The following TMEM266 variants were observed in gnomAD, a reference collection of about 807,000 sequenced individuals.
The protein encoded by TMEM266 is Hv1 related protein 1.
Under a neutral mutation model 50.5 loss-of-function variants are expected in TMEM266, and 33 were observed. The observed-to-expected ratio is 0.65, with a 90% CI of 0.50 to 0.87. The LOEUF (loss-of-function observed/expected upper bound fraction) is 0.87, where lower values mean the gene tolerates loss of function less well. TMEM266 is among the 40% of genes least tolerant of loss of function. TMEM266 has a pLI of 0.00. For missense variants in TMEM266, 655 were observed against 695.1 expected (o/e 0.94, Z 0.65); for synonymous variants, 310 against 292.3 (o/e 1.06, Z -0.62).
At chr15:76,190,551 T>G (rs1003778146) in intron 8 of TMEM266, among the ~76,000 whole-genome samples, 11 of 133,206 alleles carry the variant, frequency 8.3e-5, no homozygotes, top group East Asian at 2.1e-4. Flanking sequence ...GCAGTGGAGG[T>G]GGAGGGAGGC....
chr15:76,142,960 C>T (rs2955728), intron 3 of TMEM266, among the ~76,000 whole-genome samples: 34,667 of 152,104 alleles, frequency 0.23, 5,694 homozygotes, highest in African/African-American at 0.46. Context: ...CCTGGTTAGT[C>T]CCAAGGTGGC....
At chr15:76,171,948 G>A (rs1436833481) in intron 7 of TMEM266, among the ~76,000 whole-genome samples, 1 of 152,160 alleles carries the variant, frequency 6.6e-6, no homozygotes, top group Non-Finnish European at 1.5e-5. Flanking sequence ...AGAGGATGAC[G>A]ACAGAGGCAG....
chr15:76,179,952 T>TAAAACAAAACAAAAC (rs60596277), intron 8 of TMEM266, among the ~76,000 whole-genome samples: 21 of 152,190 alleles, frequency 1.4e-4, no homozygotes, highest in African/African-American at 4.8e-4. Flanking sequence ...AGACTGTCTC[T>TAAAACAAAACAAAAC]AAAACAAAAC....
At chr15:76,191,532 C>G (rs2038568777) in intron 8 of TMEM266, 1 of 154,240 alleles carries the variant, frequency 6.5e-6, no homozygotes, top group Non-Finnish European at 1.4e-5. Context: ...GTCCCCCAGG[C>G]TGGGACGGGG....
intron 1 of TMEM266, among the ~76,000 whole-genome samples, chr15:76,107,990 T>C (rs945304235): frequency 6.6e-6 from 1 of 152,214 alleles, no homozygotes; most frequent in East Asian, 1.9e-4. Flanking sequence ...CCATACATCG[T>C]CCTTTTTCAT....
In TMEM266 at chr15:76,203,964, CGAGGAGCCGT is replaced by C. The variant is rs776448539; in HGVS notation, c.1246_1255del (p.Glu416ProfsTer64). On this transcript the variant is annotated frameshift_variant, in exon 11 of 11. Coordinates refer to ENST00000388942, the MANE Select transcript of TMEM266 (RefSeq NM_152335.3). LOFTEE classifies it high-confidence loss of function. Reference sequence around the variant, plus strand: ...CCTCCATGGACTGCAGCACTGCCCGCGAGGAGCCGTCCTCTGAGCCCGGCCCTTCTCCCCC... The same window carrying C: ...CCTCCATGGACTGCAGCACTGCCCGCCCTCTGAGCCCGGCCCTTCTCCCCC... 1 of 1,612,008 alleles carries C rather than the reference CGAGGAGCCGT, an allele frequency of 6.2e-7. No individual in the cohort carries two copies. The highest frequency in any genetic ancestry group is 1.1e-5 in the South Asian group (1 of 91,022).
chr15:76,177,759 C>T (rs536962029), intron 8 of TMEM266, among the ~76,000 whole-genome samples: 10 of 152,378 alleles, frequency 6.6e-5, no homozygotes, highest in South Asian at 2.1e-4. Flanking sequence ...CAGCACCGTC[C>T]AGAGCTGCTC....
At chr15:76,092,568 T>C (rs554492565) in intron 1 of TMEM266, among the ~76,000 whole-genome samples, 34 of 151,922 alleles carry the variant, frequency 2.2e-4, no homozygotes, top group African/African-American at 7.9e-4. Flanking sequence ...TAGGTGCCTG[T>C]AATCCCAGCT....
chr15:76,167,033 G>T (rs1025752467), intron 5 of TMEM266, among the ~76,000 whole-genome samples: 1 of 152,162 alleles, frequency 6.6e-6, no homozygotes, highest in Non-Finnish European at 1.5e-5. Context: ...GCACCAGGCC[G>T]TATTCCCATC....
intron 9 of TMEM266, among the ~76,000 whole-genome samples, chr15:76,192,894 C>A (rs934494553): frequency 8.5e-5 from 13 of 152,210 alleles, no homozygotes; most frequent in Admixed American, 2.6e-4. Flanking sequence ...ACGGGGCCAC[C>A]CAAGCCAGGA....
At chr15:76,164,410 G>A (rs2038062505) in intron 5 of TMEM266, among the ~76,000 whole-genome samples, 1 of 152,110 alleles carries the variant, frequency 6.6e-6, no homozygotes, top group Admixed American at 6.5e-5. Context: ...GTTTCGCCAT[G>A]TTGCCCAGGC....
intron 1 of TMEM266, among the ~76,000 whole-genome samples, chr15:76,105,430 A>G (rs1225187535): frequency 1.3e-5 from 2 of 152,230 alleles, no homozygotes; most frequent in South Asian, 2.1e-4. Flanking sequence ...TAATCGTGTC[A>G]CTTTGTCATT....
intron 1 of TMEM266, among the ~76,000 whole-genome samples, chr15:76,116,677 CAA>C (rs2037251446): frequency 6.6e-6 from 1 of 152,036 alleles, no homozygotes; most frequent in Non-Finnish European, 1.5e-5. Context: ...AGGGCATCTG[CAA>C]AACTCTAGGA....
intron 1 of TMEM266, among the ~76,000 whole-genome samples, chr15:76,102,798 C>T (rs1183006887): frequency 7.0e-6 from 1 of 143,870 alleles, no homozygotes; most frequent in Admixed American, 7.2e-5. Flanking sequence ...AAGATGATGC[C>T]AGTGCACTCC....
chr15:76,203,306 G>T (rs538854999), intron 10 of TMEM266, among the ~76,000 whole-genome samples: 3 of 152,124 alleles, frequency 2.0e-5, no homozygotes, highest in Non-Finnish European at 4.4e-5. Flanking sequence ...CCTGCATCTC[G>T]ATGGTTTAAA....
rs186479283 is a variant in TMEM266, at chr15:76,161,933, G to A, written c.456+1765G>A. 2.0e-5 allele frequency among the ~76,000 whole-genome samples: 3 copies of A among 152,336 alleles called. No homozygotes were observed. Among genetic ancestry groups the A allele is most frequent in the Non-Finnish European group, 4.4e-5 (3 of 68,038 alleles). Reference sequence around the variant, plus strand: ...ACAAAAATGTTTAATCAGTTGCTGCGGTTCTTCCCCTCTATCCCTCTGCTT... The same window carrying A: ...ACAAAAATGTTTAATCAGTTGCTGCAGTTCTTCCCCTCTATCCCTCTGCTT... On this transcript the variant is annotated intron_variant, in intron 5 of 10. Coordinates refer to ENST00000388942, the MANE Select transcript of TMEM266 (RefSeq NM_152335.3). The surrounding 1 kb of genome is among the most constrained non-coding windows in gnomAD (Gnocchi z 4.1).
Position 76,204,507 on chromosome 15 carries a change from G to A in TMEM266, c.*192G>A, listed in dbSNP as rs141576808. 9.3e-5 allele frequency: 49 copies of A among 525,066 alleles called. No individual in the cohort carries two copies. Among genetic ancestry groups the A allele is most frequent in the African/African-American group, 7.4e-4 (39 of 52,556 alleles). The allele number at this position is 525,066 out of a possible 1,614,324, so 32.5% of individuals were successfully genotyped here. On this transcript the variant is annotated 3_prime_UTR_variant, in exon 11 of 11. Coordinates refer to ENST00000388942, the MANE Select transcript of TMEM266 (RefSeq NM_152335.3). ...TCAGACCTCAAAGCCCAGAGCTGGCGCCTCTTCTCGCCCTGCTCAGGGGAG... is the reference window on the plus strand; with the variant it reads ...TCAGACCTCAAAGCCCAGAGCTGGCACCTCTTCTCGCCCTGCTCAGGGGAG...
chr15:76,063,446 AC>A (rs1245289669), intron 1 of TMEM266, among the ~76,000 whole-genome samples: 1 of 151,996 alleles, frequency 6.6e-6, no homozygotes, highest in East Asian at 1.9e-4. Flanking sequence ...TCCTTGCTGT[AC>A]CCCCTGCCCC....
At chr15:76,071,379 C>T (rs1229223247) in intron 1 of TMEM266, among the ~76,000 whole-genome samples, 2 of 152,202 alleles carry the variant, frequency 1.3e-5, no homozygotes, top group East Asian at 1.9e-4. Context: ...TACCCACCTA[C>T]AGCCTGTGTG....
Sources: allele counts gnomAD v4.1 joint callset (sites outside exome capture counted in the v4.1 genomes callset), GRCh38; gene constraint gnomAD v4.1.1; non-coding constraint Gnocchi (gnomAD v3.1); transcripts MANE v1.5; gene names NCBI Gene and HGNC (gene_info 2026-07-23, HGNC 2026-07-21).